KLF17: variants seen among roughly 807,000 people sequenced by gnomAD.
The protein encoded by KLF17 is Krueppel-like factor 17.
Under a neutral mutation model 34.2 loss-of-function variants are expected in KLF17, and 31 were observed. That is an observed-to-expected ratio of 0.91 (90% CI 0.68 to 1.22). The LOEUF is 1.22. Among genes scored for constraint, KLF17 ranks in the 50% most tolerant of loss-of-function variants. KLF17 has a pLI of 0.00. For synonymous variants in KLF17, 179 were observed against 186.7 expected (o/e 0.96, Z 0.34); for missense variants, 478 against 505.2 (o/e 0.95, Z 0.52).
upstream of KLF17, chr1:44,115,323 C>A (rs528056964): frequency 6.6e-6 from 1 of 151,814 alleles, no homozygotes; most frequent in Admixed American, 6.6e-5. Context: ...TGGTGGCAGG[C>A]GCCTGTAGTC....
rs138763702 is a variant in KLF17 at position 44,124,238 on chromosome 1, T to C, written c.82-5115T>C. On this transcript the variant is annotated intron_variant, in intron 1 of 3. Coordinates refer to ENST00000372299, the MANE Select transcript of KLF17 (RefSeq NM_173484.4). Reference sequence around the variant, plus strand: ...TTCAAGGAATGATTTAATTCTGCCATTCTTTTCCTCATTTCCAGCATTGTC... The same window carrying C: ...TTCAAGGAATGATTTAATTCTGCCACTCTTTTCCTCATTTCCAGCATTGTC... 1.2e-4 allele frequency among the ~76,000 whole-genome samples: 18 copies of C among 151,972 alleles called. 2 individuals carry two copies. Among genetic ancestry groups the C allele is most frequent in the African/African-American group, 3.9e-4 (16 of 41,432 alleles).
rs779854311 is a variant in KLF17 at position 44,130,794 on chromosome 1, T to C, written c.*38T>C. On this transcript the variant is annotated intron_variant, in intron 3 of 3. Coordinates refer to ENST00000372299, the MANE Select transcript of KLF17 (RefSeq NM_173484.4). ...TCCTCATTCTGGGTTTTCTTTTTCC[T>C]TTTTTCCTTTTTATTTTTTTGAGAC... 6 of 1,598,562 alleles carry C rather than the reference T, an allele frequency of 3.8e-6. No homozygotes were observed. In the African/African-American group the frequency reaches 5.4e-5, roughly 14 times the overall value.
intron 1 of KLF17, among the ~76,000 whole-genome samples, chr1:44,124,273 G>T (rs1571986990): frequency 8.5e-6 from 1 of 117,664 alleles, no homozygotes. Context: ...CTTTTTGTTT[G>T]ATTTTTTTTT....
At chr1:44,127,655 T>TTTCA (rs2088032177) in intron 1 of KLF17, among the ~76,000 whole-genome samples, 45 of 51,128 alleles carry the variant, frequency 8.8e-4, no homozygotes, top group African/African-American at 2.1e-3. Flanking sequence ...TCTTTCTTTC[T>TTTCA]TTCTTTCTTT....
At chr1:44,080,792 G>T in the KLF17 span, among the ~76,000 whole-genome samples, 10 of 135,674 alleles carry the variant, frequency 7.4e-5, no homozygotes, top group Non-Finnish European at 1.5e-4. Context: ...TCGGCTCACT[G>T]CAACCTCTGT....
chr1:44,070,103 G>A, the KLF17 span, among the ~76,000 whole-genome samples: 1 of 151,968 alleles, frequency 6.6e-6, no homozygotes, highest in African/African-American at 2.4e-5. Flanking sequence ...ATTAGTTCTT[G>A]TCTGTAGCCT....
At chr1:44,064,532 C>G in the KLF17 span, among the ~76,000 whole-genome samples, 54 of 152,312 alleles carry the variant, frequency 3.5e-4, no homozygotes, top group Admixed American at 7.8e-4. Flanking sequence ...GACTTTGGCT[C>G]TAGCCCTTAC....
the KLF17 span, among the ~76,000 whole-genome samples, chr1:44,083,719 G>T: frequency 4.0e-5 from 6 of 150,556 alleles, no homozygotes; most frequent in Non-Finnish European, 8.8e-5. Context: ...CTTTGAAGAC[G>T]GGAGTTGGAG....
At chr1:44,066,096 C>T in the KLF17 span, among the ~76,000 whole-genome samples, 2 of 152,142 alleles carry the variant, frequency 1.3e-5, no homozygotes, top group African/African-American at 2.4e-5. Context: ...GTGGGAAAAT[C>T]ACTTGAACTT....
the KLF17 span, among the ~76,000 whole-genome samples, chr1:44,087,396 C>T: frequency 6.6e-6 from 1 of 151,756 alleles, no homozygotes; most frequent in Non-Finnish European, 1.5e-5. Context: ...GCTAGGACTA[C>T]AGGTGTGCAC....
rs975255596 is a variant in KLF17 at position 44,118,849 on chromosome 1, C to T, written c.-59C>T. The T allele has an allele frequency of 7.4e-7, 1 of 1,359,676 alleles. No homozygotes were observed. The highest frequency in any genetic ancestry group is 1.0e-6 in the Non-Finnish European group (1 of 1,001,360). The allele number at this position is 1,359,676 out of a possible 1,614,324, so 84.2% of individuals were successfully genotyped here. A position where few individuals can be genotyped will look rare whatever the true frequency, so the allele number is the denominator to read the frequency against. On this transcript the variant is annotated 5_prime_UTR_variant, in exon 1 of 4. In the 5' UTR this introduces an upstream ATG that the reference lacks. Coordinates refer to ENST00000372299, the MANE Select transcript of KLF17 (RefSeq NM_173484.4). ...GCGATGTACCGATACCCGCCTGCGACGCCGTGGTGGCTGGTTCCCTGTCTC... is the reference window on the plus strand; with the variant it reads ...GCGATGTACCGATACCCGCCTGCGATGCCGTGGTGGCTGGTTCCCTGTCTC...
the KLF17 span, among the ~76,000 whole-genome samples, chr1:44,085,807 CAAAAAAA>C: frequency 7.7e-4 from 49 of 63,624 alleles, no homozygotes; most frequent in Admixed American, 1.5e-3. Context: ...TCTGTCTCAA[CAAAAAAA>C]AAAAAAAAAA....
the KLF17 span, among the ~76,000 whole-genome samples, chr1:44,068,266 T>C: frequency 6.6e-6 from 1 of 152,178 alleles, no homozygotes; most frequent in South Asian, 2.1e-4. Context: ...TCAAGTGATA[T>C]GCCCACCTCT....
upstream of KLF17, chr1:44,114,889 G>T (rs554737632): frequency 9.2e-5 from 14 of 152,070 alleles, no homozygotes; most frequent in African/African-American, 3.4e-4. Context: ...TTTTATTAGC[G>T]ATCCTTTAAT....
chr1:44,085,925 AC>A, the KLF17 span, among the ~76,000 whole-genome samples: 1 of 151,932 alleles, frequency 6.6e-6, no homozygotes, highest in East Asian at 1.9e-4. Flanking sequence ...ACTGAGGTAG[AC>A]TGAGGAAGAC....
At chr1:44,086,504 T>A in the KLF17 span, among the ~76,000 whole-genome samples, 1 of 117,018 alleles carries the variant, frequency 8.5e-6, no homozygotes, top group Non-Finnish European at 1.9e-5. Flanking sequence ...AATAAATAAA[T>A]AAAAATAAAT....
chr1:44,108,868 T>C, the KLF17 span, among the ~76,000 whole-genome samples: 1 of 152,066 alleles, frequency 6.6e-6, no homozygotes, highest in East Asian at 1.9e-4. Context: ...GGTTTCACAA[T>C]GTTAGCCAGG....
At chr1:44,045,503 TCTC>T in the KLF17 span, among the ~76,000 whole-genome samples, 19 of 152,294 alleles carry the variant, frequency 1.2e-4, no homozygotes, top group South Asian at 2.9e-3. Context: ...CAGACTCTCT[TCTC>T]CTTTTTCTTT....
At chr1:44,100,079 TACACACACACACACACAC>T in the KLF17 span, among the ~76,000 whole-genome samples, 5 of 138,552 alleles carry the variant, frequency 3.6e-5, no homozygotes, top group Admixed American at 7.4e-5. Context: ...CTACTAAAAA[TACACACACACACACACAC>T]ACACACACAC....
Sources: allele counts gnomAD v4.1 joint callset (sites outside exome capture counted in the v4.1 genomes callset), GRCh38; gene constraint gnomAD v4.1.1; transcripts MANE v1.5; gene names NCBI Gene and HGNC (gene_info 2026-07-23, HGNC 2026-07-21).